EMC2: variants seen among roughly 807,000 people sequenced by gnomAD.
EMC2 encodes TPR repeat protein 35.
EMC2 carries 37 observed loss-of-function variants against 51.6 expected under a neutral mutation model. That is an observed-to-expected ratio of 0.72 (90% CI 0.55 to 0.94). The LOEUF is 0.94. Among genes scored for constraint, EMC2 ranks in the 40% least tolerant of loss-of-function variants. EMC2 has a pLI of 0.00. For missense variants in EMC2, 359 were observed against 350.9 expected (o/e 1.02, Z -0.18); for synonymous variants, 131 against 112.4 (o/e 1.17, Z -1.04).
intron 5 of EMC2, among the ~76,000 whole-genome samples, chr8:108,460,914 C>A (rs762106085): frequency 3.3e-5 from 5 of 152,052 alleles, no homozygotes; most frequent in Non-Finnish European, 7.4e-5. Flanking sequence ...TATTGAATAC[C>A]TCTCATGAAC....
chr8:108,457,757 A>G (rs1053004546), intron 5 of EMC2, among the ~76,000 whole-genome samples: 1 of 152,210 alleles, frequency 6.6e-6, no homozygotes, highest in African/African-American at 2.4e-5. Context: ...TTGGGTGAGG[A>G]CACAGTCAAA....
At chr8:108,451,989 T>C (rs968813164) in intron 3 of EMC2, among the ~76,000 whole-genome samples, 4 of 152,226 alleles carry the variant, frequency 2.6e-5, no homozygotes, top group Non-Finnish European at 5.9e-5. Context: ...TTAAAACTTA[T>C]TTTATTACCA....
intron 7 of EMC2, among the ~76,000 whole-genome samples, chr8:108,471,818 A>G (rs1810862292): frequency 6.6e-6 from 1 of 151,968 alleles, no homozygotes; most frequent in East Asian, 1.9e-4. Context: ...GCTTGATTAA[A>G]TAAGATGTAC....
At chr8:108,485,452 T>TACATATATAATATATATAGGTA (rs1811118636) in intron 10 of EMC2, among the ~76,000 whole-genome samples, 1 of 143,928 alleles carries the variant, frequency 6.9e-6, no homozygotes, top group South Asian at 2.2e-4. Flanking sequence ...TTAATATATA[T>TACATATATAATATATATAGGTA]ACATATATAT....
chr8:108,449,684 C>T, intron 1 of EMC2, 139 bp from the exon 2 acceptor site: 2 of 503,174 alleles, frequency 4.0e-6, no homozygotes, highest in Admixed American at 4.0e-5. Flanking sequence ...TTTGAGATAC[C>T]ACAGACTTCT....
chr8:108,471,402 G>A (rs1406999574), intron 7 of EMC2, among the ~76,000 whole-genome samples: 3 of 151,470 alleles, frequency 2.0e-5, no homozygotes, highest in Admixed American at 1.3e-4. Flanking sequence ...AATCAACAAG[G>A]AAATTTTTTT....
chr8:108,458,228 T>C (rs1819215937), intron 5 of EMC2, among the ~76,000 whole-genome samples: 1 of 152,178 alleles, frequency 6.6e-6, no homozygotes, highest in Non-Finnish European at 1.5e-5. Context: ...CAGGCTGGTG[T>C]TGAGTGTCTT....
chr8:108,446,186 G>C (rs1818873972), intron 1 of EMC2: 2 of 310,942 alleles, frequency 6.4e-6, no homozygotes, highest in South Asian at 5.3e-5. Flanking sequence ...CTGGCACATA[G>C]GCATTTAGGA....
At chr8:108,450,277 A>G (rs1177750215) in intron 2 of EMC2, 151 bp from the exon 3 acceptor site, 1 of 628,314 alleles carries the variant, frequency 1.6e-6, no homozygotes, top group Non-Finnish European at 2.9e-6. Context: ...ACATGTAAGA[A>G]TGCATTCTTA....
At chr8:108,461,663 A>G (rs1819320637) in intron 5 of EMC2, among the ~76,000 whole-genome samples, 1 of 152,202 alleles carries the variant, frequency 6.6e-6, no homozygotes, top group South Asian at 2.1e-4. Flanking sequence ...ATTTGAAAGA[A>G]TGGTGGAATG....
At position 108,487,898 on chromosome 8, in the gene EMC2, T is replaced by C. The variant is rs1265458280; in HGVS notation, c.*1300T>C. Among the ~76,000 whole-genome samples, 1 of 152,214 alleles carries C rather than the reference T, an allele frequency of 6.6e-6. No homozygotes were observed. Among genetic ancestry groups the C allele is most frequent in the Non-Finnish European group, 1.5e-5 (1 of 68,042 alleles). The stretch of plus-strand genomic sequence containing the variant: ...TGATTAATATATTCTGTGAAAGAAC[T>C]CTTCTCATCTGAAGGTAATTCTCTA... On this transcript the variant is annotated 3_prime_UTR_variant, in exon 11 of 11. Transcript: ENST00000220853.
intron 5 of EMC2, among the ~76,000 whole-genome samples, chr8:108,459,288 A>G (rs1586181072): frequency 1.3e-5 from 2 of 152,170 alleles, no homozygotes; most frequent in East Asian, 3.8e-4. Context: ...AGTTGCTTCC[A>G]CATTTTCAGG....
intron 5 of EMC2, among the ~76,000 whole-genome samples, chr8:108,466,122 T>C (rs2130378804): frequency 6.6e-6 from 1 of 152,306 alleles, no homozygotes; most frequent in African/African-American, 2.4e-5. Flanking sequence ...GCATACAAGG[T>C]CATAGAGAAG....
chr8:108,466,272 C>T (rs1586185810), intron 5 of EMC2, among the ~76,000 whole-genome samples: 1 of 152,090 alleles, frequency 6.6e-6, no homozygotes. Context: ...ATACACGTGA[C>T]AACCAGCTGT....
rs1161209651 is a variant in EMC2, at chr8:108,476,960, CT to C, written c.702+70del. The C allele has an allele frequency of 5.3e-6, 4 of 750,978 alleles. No individual in the cohort carries two copies. In the African/African-American group the frequency reaches 7.1e-5, roughly 13 times the overall value. 46.5% of individuals were successfully genotyped at this position (750,978 alleles called of 1,614,324 possible). ...CACTTAAAATCCATTTAACTATCCC[CT>C]TCAATCACTCCTCTCCTGTTTTTTG... On this transcript the variant is annotated intron_variant, in intron 9 of 10. Coordinates refer to ENST00000220853, the MANE Select transcript of EMC2 (RefSeq NM_014673.5).
intron 1 of EMC2, among the ~76,000 whole-genome samples, chr8:108,444,202 C>A (rs1818821964): frequency 6.6e-6 from 1 of 152,220 alleles, no homozygotes; most frequent in South Asian, 2.1e-4. Context: ...TCTTCTTAAA[C>A]CCGGGTTTCC....
In EMC2 at chr8:108,475,908, A is replaced by G; in HGVS notation, c.536A>G (p.Glu179Gly). The G allele has an allele frequency of 6.2e-7, 1 of 1,601,140 alleles. No homozygotes were observed. Among genetic ancestry groups the G allele is most frequent in the Non-Finnish European group, 8.5e-7 (1 of 1,173,198 alleles). Residue 179 changes from glutamate to glycine, a missense_variant, in exon 8 of 11, where the codon GAG becomes GGG. Coordinates refer to ENST00000220853, the MANE Select transcript of EMC2 (RefSeq NM_014673.5). Reference protein sequence around the residue: ...HDYAKAAFCLEELMMTNPHNH... With the variant: ...HDYAKAAFCLGELMMTNPHNH... ...TATGCAAAAGCAGCCTTTTGTTTAG[A>G]GGAACTAATGATGACTAATCCACAC... is the stretch of plus-strand genomic sequence containing the variant.
At position 108,443,807 on chromosome 8, in the gene EMC2, G is replaced by T. The variant is rs1420643835; in HGVS notation, c.40+109G>T. On this transcript the variant is annotated intron_variant, in intron 1 of 10. Transcript: ENST00000220853. The stretch of plus-strand genomic sequence containing the variant: ...GTTCTCTGGTGTCTTTTTGGTACCA[G>T]AGCCCTCACTGTACGGGCCAAGCTG... 5 of 951,120 alleles carry T rather than the reference G, an allele frequency of 5.3e-6. No homozygotes were observed. In the East Asian group the frequency reaches 1.3e-4, roughly 25 times the overall value. The allele number at this position is 951,120 out of a possible 1,614,324, so 58.9% of individuals were successfully genotyped here.
At chr8:108,447,663 A>G (rs1818910525) in intron 1 of EMC2, among the ~76,000 whole-genome samples, 1 of 152,152 alleles carries the variant, frequency 6.6e-6, no homozygotes, top group Non-Finnish European at 1.5e-5. Flanking sequence ...GTTGTCATGG[A>G]AGGAATAAAC....
Sources: gnomAD v4.1 joint callset for allele counts (sites outside exome capture counted in the v4.1 genomes callset) on GRCh38, gnomAD v4.1.1 for gene constraint, MANE v1.5 for transcripts, NCBI Gene and HGNC (gene_info 2026-07-23, HGNC 2026-07-21) for gene names.